Variants in PIK3C2G observed in about 807,000 individuals in gnomAD.
PIK3C2G encodes the protein phosphatidylinositol-4-phosphate 3-kinase catalytic subunit type 2 gamma, also known as phosphatidylinositol 3-kinase C2 domain-containing subunit gamma.
A neutral mutation model predicts 181.1 loss-of-function variants in PIK3C2G; 168 were observed. The observed-to-expected ratio is 0.93, with a 90% CI of 0.82 to 1.05. PIK3C2G has a LOEUF of 1.05. PIK3C2G is among the 50% of genes least tolerant of loss of function. PIK3C2G has a pLI of 0.00. For synonymous variants in PIK3C2G, 573 were observed against 592.2 expected, an observed-to-expected ratio of 0.97 and a Z score of 0.47; for missense variants, 1,869 against 1,732.8, an observed-to-expected ratio of 1.08 and a Z score of -1.40.
chr12:18,429,680 G>T (rs948813504), intron 18 of PIK3C2G, among the ~76,000 whole-genome samples: 3 of 152,110 alleles, frequency 2.0e-5, no homozygotes, highest in Admixed American at 1.3e-4. Context: ...CTGAAACTCA[G>T]TAGATACTCA....
Position 18,338,373 on chromosome 12 carries a change from T to C in PIK3C2G, c.1273-53T>C, listed in dbSNP as rs113984200. On this transcript the variant is annotated intron_variant, in intron 8 of 32. Transcript: ENST00000538779. ...AAGAAGAAGTTTGAGGATAAATTAATGTCCCCTCATTTATTTCAATAGATT... is the reference window on the plus strand; with the variant it reads ...AAGAAGAAGTTTGAGGATAAATTAACGTCCCCTCATTTATTTCAATAGATT... The C allele has an allele frequency of 3.4e-5, 45 of 1,330,342 alleles. 2 individuals are homozygous for C. In the African/African-American group the frequency reaches 3.8e-4, roughly 11 times the overall value. The allele number at this position is 1,330,342 out of a possible 1,614,324, so 82.4% of individuals were successfully genotyped here. A position where few individuals can be genotyped will look rare whatever the true frequency, so the allele number is the denominator to read the frequency against.
chr12:18,606,960 A>G (rs1440797199), intron 30 of PIK3C2G, among the ~76,000 whole-genome samples: 1 of 152,176 alleles, frequency 6.6e-6, no homozygotes, highest in Non-Finnish European at 1.5e-5. Flanking sequence ...CTTGTTATTA[A>G]ATAAATGTTT....
chr12:18,667,634 C>A, the PIK3C2G span, among the ~76,000 whole-genome samples: 2 of 152,090 alleles, frequency 1.3e-5, no homozygotes, highest in African/African-American at 4.8e-5. Context: ...AAGGAGTTAG[C>A]GTTTATTGAA....
chr12:18,261,699 A>AT lies in PIK3C2G; in HGVS notation c.-79+125dup, dbSNP rs571574216. 35 of 152,264 alleles carry AT rather than the reference A, an allele frequency of 2.3e-4. No homozygotes were observed. In the South Asian group the frequency reaches 6.6e-3, roughly 29 times the overall value. The allele number at this position is 152,264 out of a possible 1,614,324, so 9.4% of individuals were successfully genotyped here. A position where few individuals can be genotyped will look rare whatever the true frequency, so the allele number is the denominator to read the frequency against. On this transcript the variant is annotated intron_variant, in intron 1 of 32. Coordinates refer to ENST00000538779, the MANE Select transcript of PIK3C2G (RefSeq NM_001288772.2). Reference sequence around the variant, plus strand: ...ACTGTGATACAAAAATGGTAGATGAATTTAAAATCAGAGTGAGTTTGTGCC... The same window carrying AT: ...ACTGTGATACAAAAATGGTAGATGAATTTTAAAATCAGAGTGAGTTTGTGCC...
At chr12:18,294,293 T>C (rs916325760) in intron 5 of PIK3C2G, among the ~76,000 whole-genome samples, 1 of 152,032 alleles carries the variant, frequency 6.6e-6, no homozygotes. Context: ...CCTCAGGATG[T>C]AGGAATTTCA....
chr12:18,607,088 A>G (rs1948067354), intron 30 of PIK3C2G: 12 of 456,464 alleles, frequency 2.6e-5, no homozygotes, highest in Middle Eastern at 3.4e-4. Flanking sequence ...AATAATTACA[A>G]TGTAACATTT....
At chr12:18,684,491 G>T in the PIK3C2G span, among the ~76,000 whole-genome samples, 176 of 152,048 alleles carry the variant, frequency 1.2e-3, 1 homozygote, top group African/African-American at 3.9e-3. Context: ...TCTAAGAATG[G>T]ATCAACTCAA....
chr12:18,422,656 G>A (rs1377473112), intron 17 of PIK3C2G, among the ~76,000 whole-genome samples: 2 of 151,996 alleles, frequency 1.3e-5, no homozygotes, highest in Admixed American at 6.6e-5. Flanking sequence ...GGATTTAGGG[G>A]GAAATTGTAA....
At chr12:18,340,509 A>C (rs898057649) in intron 9 of PIK3C2G, among the ~76,000 whole-genome samples, 2 of 152,128 alleles carry the variant, frequency 1.3e-5, no homozygotes, top group African/African-American at 4.8e-5. Flanking sequence ...GGGCTTTCTA[A>C]TTGGTGATGT....
At chr12:18,335,951 A>C (rs1275033800) in intron 8 of PIK3C2G, among the ~76,000 whole-genome samples, 2 of 152,170 alleles carry the variant, frequency 1.3e-5, no homozygotes, top group Non-Finnish European at 2.9e-5. Context: ...TCAATTAGTG[A>C]TGTTTATGAA....
the PIK3C2G span, chr12:18,713,085 A>G: frequency 2.1e-6 from 3 of 1,442,958 alleles, no homozygotes; most frequent in African/African-American, 4.3e-5. Context: ...TTTATAATAA[A>G]TGCATAAATG....
At chr12:18,513,621 C>T (rs1942349469) in intron 24 of PIK3C2G, among the ~76,000 whole-genome samples, 1 of 151,748 alleles carries the variant, frequency 6.6e-6, no homozygotes, top group African/African-American at 2.4e-5. Flanking sequence ...CTTTCTATTA[C>T]AGTGGCATCA....
intron 15 of PIK3C2G, among the ~76,000 whole-genome samples, chr12:18,394,080 A>T (rs1267830686): frequency 6.6e-6 from 1 of 152,112 alleles, no homozygotes; most frequent in African/African-American, 2.4e-5. Flanking sequence ...GTGATTTGAG[A>T]AGCCACACAA....
Position 18,543,149 on chromosome 12 carries a change from G to A in PIK3C2G, c.3481-3174G>A, listed in dbSNP as rs561712898. Among the ~76,000 whole-genome samples the A allele has an allele frequency of 9.3e-5, 11 of 118,390 alleles. No homozygotes were observed. The South Asian group carries it at 3.4e-3, about 36-fold the overall frequency. 77.7% of individuals were successfully genotyped at this position (118,390 alleles called of 152,430 possible). On this transcript the variant is annotated intron_variant, in intron 25 of 32. Transcript: ENST00000538779. ...CATTTCTCTAGTAATCAGTGACATT[G>A]AGCTTTTTTTCATATGCTTGTTGGA...
At chr12:18,479,541 A>C (rs1194639457) in intron 18 of PIK3C2G, among the ~76,000 whole-genome samples, 1 of 152,188 alleles carries the variant, frequency 6.6e-6, no homozygotes, top group African/African-American at 2.4e-5. Context: ...TGCCTAACAC[A>C]GCTATGCAAA....
the PIK3C2G span, chr12:18,694,909 C>T: frequency 4.4e-6 from 7 of 1,582,272 alleles, no homozygotes; most frequent in Non-Finnish European, 6.1e-6. Flanking sequence ...ATTAATCTTA[C>T]CCTTATTGTA....
chr12:18,590,977 G>T (rs1947047404), intron 29 of PIK3C2G, among the ~76,000 whole-genome samples: 1 of 151,946 alleles, frequency 6.6e-6, no homozygotes, highest in Non-Finnish European at 1.5e-5. Context: ...TACTATTGAA[G>T]TTTAATAACC....
chr12:18,652,334 T>A (rs1029813288), downstream of PIK3C2G, among the ~76,000 whole-genome samples: 10 of 152,076 alleles, frequency 6.6e-5, no homozygotes, highest in African/African-American at 2.4e-4. Context: ...GAAAATGTCA[T>A]ATAAACATGA....
intron 16 of PIK3C2G, among the ~76,000 whole-genome samples, chr12:18,413,179 G>A (rs988525586): frequency 4.6e-5 from 7 of 151,786 alleles, no homozygotes; most frequent in African/African-American, 7.3e-5. Flanking sequence ...AATGGTTAAT[G>A]TACAGAGTTA....
Sources: allele counts gnomAD v4.1 joint callset (sites outside exome capture counted in the v4.1 genomes callset), GRCh38; gene constraint gnomAD v4.1.1; transcripts MANE v1.5; gene names NCBI Gene and HGNC (gene_info 2026-07-23, HGNC 2026-07-21).